The following PLA2R1 variants were observed in gnomAD, a reference collection of about 807,000 sequenced individuals.
PLA2R1 encodes secretory phospholipase A2 receptor.
Under a neutral mutation model 195.9 loss-of-function variants are expected in PLA2R1, and 158 were observed. That is an observed-to-expected ratio of 0.81 (90% CI 0.71 to 0.92). The LOEUF (loss-of-function observed/expected upper bound fraction) is 0.92, where lower values mean the gene tolerates loss of function less well. Among genes scored for constraint, PLA2R1 ranks in the 40% least tolerant of loss-of-function variants. PLA2R1 has a pLI of 0.00. For missense variants in PLA2R1, 1,626 were observed against 1,764.6 expected, an observed-to-expected ratio of 0.92 and a Z score of 1.41; for synonymous variants, 586 against 598.2, an observed-to-expected ratio of 0.98 and a Z score of 0.30.
rs1311336469 is a variant in PLA2R1 at position 159,934,043 on chromosome 2, T to G, written c.*7735A>C. The G allele has an allele frequency of 4.6e-5, 7 of 152,230 alleles. No homozygotes were observed. Among genetic ancestry groups the G allele is most frequent in the Admixed American group, 4.6e-4 (7 of 15,288 alleles). 9.4% of individuals were successfully genotyped at this position (152,230 alleles called of 1,614,324 possible). On this transcript the variant is annotated 3_prime_UTR_variant, in exon 30 of 30. Coordinates refer to ENST00000283243, the MANE Select transcript of PLA2R1 (RefSeq NM_007366.5). ...CAACTCCTGCTCTAAATCCTTATTT[T>G]GAAAGGTGGGGAAAGAGGGAATAAA...
At position 159,970,163 on chromosome 2, in the gene PLA2R1, G is replaced by A. The variant is rs149692212; in HGVS notation, c.2645C>T (p.Ala882Val). 4.7e-4 allele frequency: 759 copies of A among 1,604,624 alleles called. No individual in the cohort carries two copies. The highest frequency in any genetic ancestry group is 5.7e-4 in the Non-Finnish European group (670 of 1,173,612). The change falls in exon 18 of 30, where the codon GCC (alanine) becomes GTC (valine). Residue 882 changes from alanine (A) to valine (V), a missense_variant. Physicochemically the swap from Ala to Val is moderately conservative, Grantham distance 64. Transcript: ENST00000283243. ...AGGTTCATACCGAAATTCATCATTGGCTCTTTCTTCTTGAAGTCCAATCCA... is the reference window on the plus strand; with the variant it reads ...AGGTTCATACCGAAATTCATCATTGACTCTTTCTTCTTGAAGTCCAATCCA... ...SWWIGLQEERANDEFRWRDGT... is the reference protein window; with the variant it reads ...SWWIGLQEERVNDEFRWRDGT...
chr2:160,022,039 AAAAGGTCATC>A (rs1693163115), intron 7 of PLA2R1, among the ~76,000 whole-genome samples: 1 of 152,210 alleles, frequency 6.6e-6, no homozygotes, highest in African/African-American at 2.4e-5. Context: ...GTAACAATTG[AAAAGGTCATC>A]AAAGGAGATC....
chr2:159,966,573 C>A, intron 20 of PLA2R1, among the ~76,000 whole-genome samples: 1 of 152,122 alleles, frequency 6.6e-6, no homozygotes, highest in African/African-American at 2.4e-5. Flanking sequence ...ATTTAAAAGT[C>A]AGTGCCAAAT....
At chr2:160,007,884 A>G (rs1252236447) in intron 10 of PLA2R1, among the ~76,000 whole-genome samples, 2 of 152,228 alleles carry the variant, frequency 1.3e-5, no homozygotes, top group East Asian at 3.8e-4. Flanking sequence ...AAAATAGAAA[A>G]GTTCATCCTA....
chr2:159,942,973 C>CTTT (rs5835779), intron 28 of PLA2R1, among the ~76,000 whole-genome samples: 1 of 139,414 alleles, frequency 7.2e-6, no homozygotes, highest in Non-Finnish European at 1.6e-5. Flanking sequence ...CAGACTTGTT[C>CTTT]TTTTTTTTTT....
chr2:160,006,871 G>A (rs1435272152), intron 10 of PLA2R1, among the ~76,000 whole-genome samples: 1 of 152,140 alleles, frequency 6.6e-6, no homozygotes, highest in Non-Finnish European at 1.5e-5. Context: ...AAAGCAATGA[G>A]GTCATTTATG....
chr2:160,013,721 C>CGGG (rs1692540496), intron 9 of PLA2R1, among the ~76,000 whole-genome samples: 1 of 116,584 alleles, frequency 8.6e-6, no homozygotes, highest in Non-Finnish European at 1.8e-5. Context: ...CTCTCTCTCT[C>CGGG]TGTGTGTGTG....
At chr2:159,986,609 T>C (rs190695503) in intron 12 of PLA2R1, among the ~76,000 whole-genome samples, 72 of 151,328 alleles carry the variant, frequency 4.8e-4, no homozygotes, top group African/African-American at 1.6e-3. Context: ...TTTTTTGATA[T>C]AGAGACTCGC....
rs111424567 is a variant in PLA2R1 at position 160,028,843 on chromosome 2, C to A, written c.955+7G>T. On this transcript the variant is annotated splice_region_variant and intron_variant, in intron 5 of 29. Coordinates refer to ENST00000283243, the MANE Select transcript of PLA2R1 (RefSeq NM_007366.5). ...CGTGACGAAGGCAAAGAAAACACTG[C>A]GGGTACCTGGGCTCCAATTCAGATA... is the stretch of plus-strand genomic sequence containing the variant. The A allele has an allele frequency of 6.4e-7, 1 of 1,561,450 alleles. No individual in the cohort carries two copies.
At chr2:159,971,463 CGT>C (rs1237932362) in intron 17 of PLA2R1, among the ~76,000 whole-genome samples, 2 of 148,778 alleles carry the variant, frequency 1.3e-5, no homozygotes, top group African/African-American at 2.4e-5. Context: ...CATGTGCACA[CGT>C]GTGTGCGCGC....
chr2:159,924,209 G>T, the PLA2R1 span, among the ~76,000 whole-genome samples: 1 of 152,070 alleles, frequency 6.6e-6, no homozygotes, highest in South Asian at 2.1e-4. Flanking sequence ...ATCTCCCTCT[G>T]ACTGCCTCTT....
chr2:159,997,328 T>C (rs1212393984), intron 11 of PLA2R1, among the ~76,000 whole-genome samples: 11 of 152,082 alleles, frequency 7.2e-5, no homozygotes. Flanking sequence ...GGGTATTTCC[T>C]TTCCATCACG....
chr2:160,024,600 C>G (rs541209188), intron 6 of PLA2R1, among the ~76,000 whole-genome samples: 36 of 152,308 alleles, frequency 2.4e-4, no homozygotes, highest in African/African-American at 8.7e-4. Context: ...CAGTCATACC[C>G]CCCAGCACCT....
At position 160,016,358 on chromosome 2, in the gene PLA2R1, C is replaced by CAGAT. The variant is rs1243059379; in HGVS notation, c.1551+252_1551+255dup. 2.0e-5 allele frequency among the ~76,000 whole-genome samples: 3 copies of CAGAT among 150,498 alleles called. No individual in the cohort carries two copies. In the East Asian group the frequency reaches 5.9e-4, roughly 29 times the overall value. On this transcript the variant is annotated intron_variant, in intron 9 of 29. Coordinates refer to ENST00000283243, the MANE Select transcript of PLA2R1 (RefSeq NM_007366.5). The stretch of plus-strand genomic sequence containing the variant: ...CACACATCACAGGATAGTCACTGTA[C>CAGAT]AGATGCTGTATCAGGACCATTTACA...
intron 17 of PLA2R1, among the ~76,000 whole-genome samples, chr2:159,971,469 T>TGA (rs1689173139): frequency 1.5e-5 from 2 of 131,450 alleles, no homozygotes; most frequent in Non-Finnish European, 3.7e-5. Flanking sequence ...CACACGTGTG[T>TGA]GCGCGCACAC....
downstream of PLA2R1, among the ~76,000 whole-genome samples, chr2:159,930,562 A>AG (rs1686565900): frequency 1.3e-5 from 2 of 152,264 alleles, no homozygotes; most frequent in Admixed American, 6.5e-5. Context: ...AGATCCTCCT[A>AG]GGGGTCTAAT....
intron 19 of PLA2R1, among the ~76,000 whole-genome samples, chr2:159,968,615 G>C (rs888859976): frequency 6.6e-6 from 1 of 152,204 alleles, no homozygotes; most frequent in Non-Finnish European, 1.5e-5. Flanking sequence ...GCACAGGTTA[G>C]TTATGAATCT....
At chr2:160,032,687 TC>T (rs1481421802) in intron 4 of PLA2R1, among the ~76,000 whole-genome samples, 4 of 152,174 alleles carry the variant, frequency 2.6e-5, no homozygotes, top group African/African-American at 9.7e-5. Flanking sequence ...ATCTTCCTGA[TC>T]CACTTGTTAG....
chr2:159,969,969 C>T (rs889915880), intron 18 of PLA2R1, among the ~76,000 whole-genome samples, 179 bp downstream of exon 18: 6 of 152,050 alleles, frequency 3.9e-5, no homozygotes, highest in East Asian at 1.9e-4. Flanking sequence ...GCTAGATTGT[C>T]GGGATGGTTT....
Sources: allele counts gnomAD v4.1 joint callset (sites outside exome capture counted in the v4.1 genomes callset), GRCh38; gene constraint gnomAD v4.1.1; transcripts MANE v1.5; gene names NCBI Gene and HGNC (gene_info 2026-07-23, HGNC 2026-07-21).